The following SPECC1 variants were observed in gnomAD, a reference collection of about 807,000 sequenced individuals.
SPECC1 encodes the protein cytospin-B.
A neutral mutation model predicts 104.1 loss-of-function variants in SPECC1; 62 were observed. The observed-to-expected ratio is 0.60, with a 90% CI of 0.49 to 0.74. SPECC1 has a LOEUF of 0.74. Among genes scored for constraint, SPECC1 ranks in the 30% least tolerant of loss-of-function variants. The pLI, the probability that SPECC1 is intolerant of heterozygous loss-of-function variation, is 0.00. For synonymous variants in SPECC1, 513 were observed against 501.6 expected (o/e 1.02, Z -0.30); for missense variants, 1,306 against 1,310.5 (o/e 1.00, Z 0.05).
Position 20,211,715 on chromosome 17 carries a change from A to G in SPECC1, c.1863+5803A>G, listed in dbSNP as rs545398733. Among the ~76,000 whole-genome samples, 5 of 152,318 alleles carry G rather than the reference A, an allele frequency of 3.3e-5. No individual in the cohort carries two copies. The East Asian group carries it at 9.6e-4, about 29-fold the overall frequency. On this transcript the variant is annotated intron_variant, in intron 4 of 14. Transcript: ENST00000395527. ...GCAGAAGTTTGGTGGAGACAGTCAGATAGTTTGAGGAAGGGTGGTCTTGCC... is the reference window on the plus strand; with the variant it reads ...GCAGAAGTTTGGTGGAGACAGTCAGGTAGTTTGAGGAAGGGTGGTCTTGCC...
chr17:20,227,662 C>T, intron 5 of SPECC1, 42 bp downstream of exon 5: 1 of 1,578,794 alleles, frequency 6.3e-7, no homozygotes, highest in Non-Finnish European at 8.6e-7. Context: ...CACCTATAAT[C>T]CCAGCACTTT....
chr17:20,186,659 G>A (rs1472415169), intron 3 of SPECC1, among the ~76,000 whole-genome samples: 1 of 152,098 alleles, frequency 6.6e-6, no homozygotes, highest in Admixed American at 6.5e-5. Context: ...GACTTCCCAG[G>A]CTCAGGTGAT....
intron 12 of SPECC1, among the ~76,000 whole-genome samples, chr17:20,265,043 GGTTGATTTTAT>G (rs1186047009): frequency 3.3e-5 from 5 of 152,140 alleles, no homozygotes; most frequent in African/African-American, 9.7e-5. Flanking sequence ...TGGGTACTTA[GGTTGATTTTAT>G]GTTTTTTCTA....
intron 3 of SPECC1, among the ~76,000 whole-genome samples, chr17:20,133,872 G>A (rs1018100434): frequency 1.3e-5 from 2 of 152,122 alleles, no homozygotes; most frequent in African/African-American, 4.8e-5. Context: ...GTGGGCAGTG[G>A]TACAACTCAC....
intron 2 of SPECC1, among the ~76,000 whole-genome samples, chr17:20,104,555 C>T (rs2152515138): frequency 6.6e-6 from 1 of 151,732 alleles, no homozygotes; most frequent in African/African-American, 2.4e-5. Context: ...CCAGCCTGGC[C>T]AACATGGTGA....
intron 12 of SPECC1, among the ~76,000 whole-genome samples, chr17:20,296,733 T>A (rs1275212115): frequency 6.6e-6 from 1 of 152,216 alleles, no homozygotes; most frequent in Admixed American, 6.5e-5. Context: ...AAGAGGTCCT[T>A]CACATCCCTT....
intron 3 of SPECC1, among the ~76,000 whole-genome samples, chr17:20,140,351 G>A (rs538051596): frequency 3.3e-5 from 5 of 152,072 alleles, no homozygotes; most frequent in Admixed American, 1.3e-4. Flanking sequence ...GAGAAAGAAC[G>A]AAAATACTTA....
At chr17:20,070,906 C>CA (rs942539963) in intron 1 of SPECC1, among the ~76,000 whole-genome samples, 3 of 151,980 alleles carry the variant, frequency 2.0e-5, no homozygotes, top group Non-Finnish European at 4.4e-5. Flanking sequence ...CCTATAGGCT[C>CA]AGAGAGGCCT....
At chr17:20,058,676 A>AT (rs1191289070) in intron 1 of SPECC1, among the ~76,000 whole-genome samples, 5 of 151,766 alleles carry the variant, frequency 3.3e-5, no homozygotes, top group Non-Finnish European at 7.4e-5. Context: ...AAGTTTATTC[A>AT]TTTTTTAGCA....
At chr17:20,254,924 A>C (rs2151575291) in intron 10 of SPECC1, among the ~76,000 whole-genome samples, 1 of 152,212 alleles carries the variant, frequency 6.6e-6, no homozygotes, top group African/African-American at 2.4e-5. Context: ...GAGTTGGGTA[A>C]ACACTGACAA....
rs993392470 is a variant in SPECC1 at position 20,238,032 on chromosome 17, A to G, written c.2351+5627A>G. On this transcript the variant is annotated intron_variant, in intron 7 of 14. Coordinates refer to ENST00000395527, the MANE Select transcript of SPECC1 (RefSeq NM_001243439.2). ...GCTGGGATTACAGGCTTGAGACCCC[A>G]TGTCTGGCCCCTTCTGTGGGGTCTT... 36 of 1,020,742 alleles carry G rather than the reference A, an allele frequency of 3.5e-5. 1 individual carries two copies. The highest frequency in any genetic ancestry group is 9.4e-4 in the Middle Eastern group (2 of 2,138). The allele number at this position is 1,020,742 out of a possible 1,614,324, so 63.2% of individuals were successfully genotyped here.
chr17:20,240,270 A>G (rs2039143340), intron 7 of SPECC1, among the ~76,000 whole-genome samples: 1 of 151,230 alleles, frequency 6.6e-6, no homozygotes. Flanking sequence ...CTCTTCTAAG[A>G]ATTACTAGTT....
At chr17:20,088,385 G>A (rs2047261931) in intron 1 of SPECC1, among the ~76,000 whole-genome samples, 1 of 152,204 alleles carries the variant, frequency 6.6e-6, no homozygotes, top group African/African-American at 2.4e-5. Context: ...GAAGGGGCAA[G>A]AGCAGAAGCC....
intron 3 of SPECC1, among the ~76,000 whole-genome samples, chr17:20,117,150 C>T (rs971376757): frequency 5.3e-5 from 8 of 151,822 alleles, no homozygotes; most frequent in African/African-American, 2.4e-5. Flanking sequence ...TTTCATATCA[C>T]GGTGGATAAT....
intron 4 of SPECC1, among the ~76,000 whole-genome samples, chr17:20,208,809 GT>G (rs1483798567): frequency 1.3e-5 from 2 of 152,120 alleles, no homozygotes; most frequent in Non-Finnish European, 2.9e-5. Flanking sequence ...TTGTTTGGTG[GT>G]TTATTTTTAG....
At chr17:20,296,397 A>G (rs1264592067) in intron 12 of SPECC1, among the ~76,000 whole-genome samples, 1 of 152,208 alleles carries the variant, frequency 6.6e-6, no homozygotes, top group African/African-American at 2.4e-5. Flanking sequence ...TTTTGGTACC[A>G]GTACCATGCT....
intron 2 of SPECC1, among the ~76,000 whole-genome samples, chr17:20,109,105 A>G (rs1002560421): frequency 7.2e-5 from 11 of 152,200 alleles, no homozygotes; most frequent in Non-Finnish European, 1.0e-4. Flanking sequence ...CTTTCAAACT[A>G]TGGTGGGGTG....
chr17:20,300,586 G>A (rs2142078349), intron 13 of SPECC1, among the ~76,000 whole-genome samples: 1 of 152,352 alleles, frequency 6.6e-6, no homozygotes, highest in Non-Finnish European at 1.5e-5. Context: ...GAAAATTATG[G>A]ACCTAAAAGT....
chr17:20,019,001 T>G (rs1198458582), intron 1 of SPECC1, among the ~76,000 whole-genome samples: 1 of 152,104 alleles, frequency 6.6e-6, no homozygotes, highest in African/African-American at 2.4e-5. Context: ...CTTTCCAGGT[T>G]GGATGGTGGG....
Sources: allele counts gnomAD v4.1 joint callset (sites outside exome capture counted in the v4.1 genomes callset), GRCh38; gene constraint gnomAD v4.1.1; transcripts MANE v1.5; gene names NCBI Gene and HGNC (gene_info 2026-07-23, HGNC 2026-07-21).